The following CROCC variants were observed in gnomAD, a reference collection of about 807,000 sequenced individuals.
CROCC encodes rootletin.
CROCC carries 180 observed loss-of-function variants against 245.2 expected under a neutral mutation model. That is an observed-to-expected ratio of 0.73 (90% CI 0.65 to 0.83). The LOEUF (loss-of-function observed/expected upper bound fraction) is 0.83. Ranked by LOEUF, CROCC falls within the 40% of genes least tolerant of loss-of-function variation. The probability of loss-of-function intolerance (pLI) is 0.00; values close to 1 mark genes in which losing one functional copy is unlikely to be tolerated. For missense variants in CROCC, 2,688 were observed against 2,779.4 expected (o/e 0.97, Z 0.74); for synonymous variants, 1,205 against 1,241.6 (o/e 0.97, Z 0.62).
Position 16,970,627 on chromosome 1 carries a change from C to T in CROCC, c.5653-9C>T. The T allele has an allele frequency of 1.3e-6, 2 of 1,531,810 alleles. No homozygotes were observed. Among genetic ancestry groups the T allele is most frequent in the East Asian group, 4.6e-5 (2 of 43,830 alleles). 94.9% of individuals were successfully genotyped at this position (1,531,810 alleles called of 1,614,324 possible). Reference sequence around the variant, plus strand: ...TGGCACCCTGATCTCCTGTGGCTCTCCTGCCTAGGTGGAGCGGGAGAAGCT... The same window carrying T: ...TGGCACCCTGATCTCCTGTGGCTCTTCTGCCTAGGTGGAGCGGGAGAAGCT... On this transcript the variant is annotated splice_polypyrimidine_tract_variant and intron_variant, in intron 34 of 36. Transcript: ENST00000375541.
At chr1:16,932,322 C>G (rs1410391691) in intron 8 of CROCC, among the ~76,000 whole-genome samples, 1 of 152,254 alleles carries the variant, frequency 6.6e-6, no homozygotes, top group African/African-American at 2.4e-5. Context: ...TGCCTGTAAT[C>G]CCAGCTACTC....
rs1184304093 is a variant in CROCC, at chr1:16,958,613, C to T, written c.3895C>T (p.Leu1299=). ...MKMLDSENTR[L]GRELAELQGR... is the part of the protein sequence containing the mutation. The stretch of plus-strand genomic sequence containing the variant: ...GATGCTGGACAGTGAGAACACCAGA[C>T]TGGGCCGGGAGCTGGCGGAGCTGCA... Residue 1299 remains leucine, a synonymous_variant, in exon 26 of 37, where the codon CTG becomes TTG. Transcript: ENST00000375541. 6.4e-7 allele frequency: 1 copy of T among 1,554,614 alleles called. No homozygotes were observed. The highest frequency in any genetic ancestry group is 8.7e-7 in the Non-Finnish European group (1 of 1,149,362).
rs753585431 is a variant in CROCC, at chr1:16,946,218, C to G, written c.2137-41C>G. 5 of 1,599,856 alleles carry G rather than the reference C, an allele frequency of 3.1e-6. No homozygotes were observed. In the African/African-American group the frequency reaches 6.7e-5, roughly 21 times the overall value. ...CTTGGGCCTCCTCACCTCCTCCCGA[C>G]CTTTCTGCCTTTCCTCATTTCTCGG... is the stretch of plus-strand genomic sequence containing the variant. On this transcript the variant is annotated intron_variant, in intron 15 of 36. Coordinates refer to ENST00000375541, the MANE Select transcript of CROCC (RefSeq NM_014675.5).
intron 26 of CROCC, among the ~76,000 whole-genome samples, chr1:16,960,462 A>G (rs927083014): frequency 1.3e-5 from 2 of 152,224 alleles, no homozygotes; most frequent in Non-Finnish European, 2.9e-5. Context: ...TATTTTTTGG[A>G]AAGTTACTTA....
chr1:16,925,715 T>G (rs2075519020), intron 3 of CROCC, among the ~76,000 whole-genome samples: 1 of 152,264 alleles, frequency 6.6e-6, no homozygotes, highest in Admixed American at 6.5e-5. Context: ...TGTATGACTG[T>G]GGGGTGTGCC....
chr1:16,962,736 A>T (rs979826596), intron 27 of CROCC, among the ~76,000 whole-genome samples: 3 of 140,168 alleles, frequency 2.1e-5, no homozygotes, highest in African/African-American at 2.6e-5. Context: ...ATATATGTAT[A>T]TTTTTTTTTT....
At chr1:16,955,718 G>A (rs1443244683) in intron 24 of CROCC, among the ~76,000 whole-genome samples, 168 bp downstream of exon 24, 1 of 152,162 alleles carries the variant, frequency 6.6e-6, no homozygotes, top group Non-Finnish European at 1.5e-5. Flanking sequence ...TGTTGATTGG[G>A]GAAAGGGGCA....
intron 3 of CROCC, 25 bp from the exon 4 acceptor site, chr1:16,929,821 T>C: frequency 2.0e-6 from 3 of 1,514,978 alleles, no homozygotes. Context: ...GGCCCAGGAC[T>C]CTCACCCAGG....
intron 8 of CROCC, among the ~76,000 whole-genome samples, chr1:16,932,932 A>T (rs1198414225): frequency 6.6e-6 from 1 of 152,266 alleles, no homozygotes; most frequent in East Asian, 1.9e-4. Flanking sequence ...CCTACCTCAG[A>T]TCCTGTGCAG....
At chr1:16,939,821 G>T in intron 12 of CROCC, 73 bp from the exon 13 acceptor site, 2 of 1,545,490 alleles carry the variant, frequency 1.3e-6, no homozygotes, top group Admixed American at 1.7e-5. Flanking sequence ...GTGTATCCCT[G>T]GAACCAGAAG....
intron 30 of CROCC, among the ~76,000 whole-genome samples, chr1:16,967,552 G>A (rs1044363171): frequency 2.0e-5 from 3 of 152,166 alleles, no homozygotes; most frequent in African/African-American, 7.2e-5. Flanking sequence ...GGCAGGGCTG[G>A]GGCTCTGGGC....
At chr1:16,923,211 G>A (rs552882241) in intron 2 of CROCC, among the ~76,000 whole-genome samples, 6 of 152,412 alleles carry the variant, frequency 3.9e-5, no homozygotes, top group East Asian at 1.9e-4. Flanking sequence ...GCAGGAAGGC[G>A]GATGGTCCCT....
At chr1:16,951,473 G>T (rs1036080937) in intron 20 of CROCC, 3 of 167,634 alleles carry the variant, frequency 1.8e-5, no homozygotes, top group African/African-American at 7.1e-5. Context: ...AAGGGGCCAG[G>T]GAAGTTACTA....
chr1:16,944,091 G>C lies in CROCC; in HGVS notation c.1809-9G>C, dbSNP rs1438056902. The C allele has an allele frequency of 4.5e-6, 7 of 1,541,204 alleles. No individual in the cohort carries two copies. Among genetic ancestry groups the C allele is most frequent in the Non-Finnish European group, 4.4e-6 (5 of 1,140,622 alleles). ...CATCCCCTCTGCTCCCCCTCCCCTT[G>C]TCCTGAAGGGAGAAGAGCAACCTGG... On this transcript the variant is annotated splice_polypyrimidine_tract_variant and intron_variant, in intron 13 of 36. Coordinates refer to ENST00000375541, the MANE Select transcript of CROCC (RefSeq NM_014675.5).
At chr1:16,939,665 G>C (rs2075879554) in intron 12 of CROCC, among the ~76,000 whole-genome samples, 1 of 152,222 alleles carries the variant, frequency 6.6e-6, no homozygotes, top group Non-Finnish European at 1.5e-5. Flanking sequence ...GGCTTTGATA[G>C]GAGTTGTCCG....
Position 16,931,314 on chromosome 1 carries a change from C to T in CROCC, c.873C>T (p.Asn291=), listed in dbSNP as rs144262827. ...AGTCCTTCAACGCCTACTTCAGCAACGAGCACAGTCGCCTGCTCCTCCTCT... is the reference window on the plus strand; with the variant it reads ...AGTCCTTCAACGCCTACTTCAGCAATGAGCACAGTCGCCTGCTCCTCCTCT... ...EEESFNAYFS[N]EHSRLLLLWR... The change falls in exon 8 of 37, where the codon AAC becomes AAT. Residue 291 remains asparagine (N), a synonymous_variant. Coordinates refer to ENST00000375541, the MANE Select transcript of CROCC (RefSeq NM_014675.5). 74 of 1,612,000 alleles carry T rather than the reference C, an allele frequency of 4.6e-5. No individual in the cohort carries two copies. The East Asian group carries it at 7.4e-4, about 16-fold the overall frequency.
chr1:16,921,092 A>G (rs1417383971), upstream of CROCC, among the ~76,000 whole-genome samples: 1 of 152,246 alleles, frequency 6.6e-6, no homozygotes, highest in African/African-American at 2.4e-5. Flanking sequence ...GTATTTCTTG[A>G]GTGTTGGCCA....
At chr1:16,971,379 T>C in intron 35 of CROCC, 86 bp from the exon 36 acceptor site, 3 of 1,443,712 alleles carry the variant, frequency 2.1e-6, no homozygotes, top group Non-Finnish European at 2.7e-6. Context: ...ACTGGCCGTG[T>C]CCCAGGGAGG....
At chr1:16,950,812 A>G in intron 19 of CROCC, 141 bp from the exon 20 acceptor site, 2 of 637,076 alleles carry the variant, frequency 3.1e-6, no homozygotes, top group South Asian at 5.5e-5. Flanking sequence ...AGGGCAAGCC[A>G]CTTCAAGAGG....
Sources: allele counts gnomAD v4.1 joint callset (sites outside exome capture counted in the v4.1 genomes callset), GRCh38; gene constraint gnomAD v4.1.1; transcripts MANE v1.5; gene names NCBI Gene and HGNC (gene_info 2026-07-23, HGNC 2026-07-21).